The following FRMPD4 variants were observed in gnomAD, a reference collection of about 807,000 sequenced individuals.
FRMPD4 encodes the protein FERM and PDZ domain containing 4, also known as FERM and PDZ domain-containing protein 4.
FRMPD4 carries 22 observed loss-of-function variants against 94.1 expected under a neutral mutation model. The observed-to-expected ratio is 0.23, with a 90% confidence interval of 0.17 to 0.33. The LOEUF is 0.33. Among genes scored for constraint, FRMPD4 ranks in the 10% least tolerant of loss-of-function variants. FRMPD4 has a pLI of 1.00. For missense variants in FRMPD4, 1,111 were observed against 1,339.9 expected (o/e 0.83, Z 2.67); for synonymous variants, 631 against 548.6 (o/e 1.15, Z -2.10).
intron 1 of FRMPD4, among the ~76,000 whole-genome samples, chrX:12,282,054 T>A (rs2054534347): frequency 8.9e-6 from 1 of 112,503 alleles, no homozygotes; most frequent in Non-Finnish European, 1.9e-5. Context: ...AATTTAATCA[T>A]AAATTAAGAG....
chrX:12,480,384 CCT>C (rs1203757130), intron 1 of FRMPD4, among the ~76,000 whole-genome samples: 2 of 100,049 alleles, frequency 2.0e-5, no homozygotes, highest in Admixed American at 1.1e-4. Flanking sequence ...TGCATTTTTG[CCT>C]CTTTTCTCTC....
intron 1 of FRMPD4, among the ~76,000 whole-genome samples, chrX:12,341,236 A>G (rs530303122): frequency 8.9e-6 from 1 of 111,899 alleles, no homozygotes; most frequent in African/African-American, 3.2e-5. Flanking sequence ...AAGGCATGCA[A>G]TAATATTTCA....
At chrX:12,190,680 C>T (rs2056480112) in intron 1 of FRMPD4, among the ~76,000 whole-genome samples, 1 of 93,535 alleles carries the variant, frequency 1.1e-5, no homozygotes, top group Non-Finnish European at 2.1e-5. Context: ...GAACAACTAA[C>T]GGGACATCCA....
chrX:12,453,753 C>G (rs1009954999), intron 1 of FRMPD4, among the ~76,000 whole-genome samples: 1 of 35,589 alleles, frequency 2.8e-5, no homozygotes, highest in South Asian at 2.5e-3. Flanking sequence ...CTAGGGATAA[C>G]AGCATCTGAA....
rs1340071233 is a variant in FRMPD4 at position 12,718,809 on chromosome X, T to C, written c.3964+19T>C. On this transcript the variant is annotated intron_variant, in intron 16 of 16. Transcript: ENST00000675598. ...ACCACAGGTACAGCAATGATGGATTTAGCACTTTGTATGACATGCCAAGAG... is the reference window on the plus strand; with the variant it reads ...ACCACAGGTACAGCAATGATGGATTCAGCACTTTGTATGACATGCCAAGAG... 1 of 1,002,207 alleles carries C rather than the reference T, an allele frequency of 1.0e-6. No individual in the cohort carries two copies. Among genetic ancestry groups the C allele is most frequent in the South Asian group, 2.0e-5 (1 of 49,539 alleles). The allele number at this position is 1,002,207 out of a possible 1,213,427, so 82.6% of individuals were successfully genotyped here.
At chrX:11,900,394 G>A (rs897094773) in intron 3 of FRMPD4, among the ~76,000 whole-genome samples, 6 of 111,682 alleles carry the variant, frequency 5.4e-5, no homozygotes, top group African/African-American at 2.0e-4. Context: ...GGACTCTTGG[G>A]AGAATGTATG....
At chrX:11,979,060 T>TACCCACC (rs1341498933) in intron 3 of FRMPD4, among the ~76,000 whole-genome samples, 3 of 111,774 alleles carry the variant, frequency 2.7e-5, no homozygotes, top group South Asian at 3.9e-4. Flanking sequence ...AAAACCCATG[T>TACCCACC]ACCCACCACC....
In FRMPD4 at chrX:12,214,966, A is replaced by G. The variant is rs771096497; in HGVS notation, c.41+75954A>G. 5.1e-4 allele frequency among the ~76,000 whole-genome samples: 57 copies of G among 112,063 alleles called. No homozygotes were observed. The South Asian group carries it at 6.4e-3, about 13-fold the overall frequency. On this transcript the variant is annotated intron_variant, in intron 1 of 16. Coordinates refer to ENST00000675598, the MANE Select transcript of FRMPD4 (RefSeq NM_001368397.1). ...GTAATTATACATAAATTAATATTTT[A>G]TAGGTAAATATTTTCCCTTCTGATA...
chrX:11,829,617 G>A (rs56237205), intron 1 of FRMPD4, among the ~76,000 whole-genome samples: 26,126 of 110,308 alleles, frequency 0.24, 2,309 homozygotes, highest in Middle Eastern at 0.28. Flanking sequence ...AAGGATTAGT[G>A]TCCTGCTTCA....
intron 1 of FRMPD4, among the ~76,000 whole-genome samples, chrX:12,266,132 C>CAAAAAAA (rs3990340): frequency 4.7e-4 from 12 of 25,755 alleles, no homozygotes; most frequent in Non-Finnish European, 7.4e-4. Flanking sequence ...GACTCCGTCT[C>CAAAAAAA]AAAAAAAAAA....
chrX:12,136,514 T>C (rs185799932), upstream of FRMPD4, among the ~76,000 whole-genome samples: 2 of 111,050 alleles, frequency 1.8e-5, no homozygotes, highest in East Asian at 5.6e-4. Flanking sequence ...TATTGGTGCA[T>C]ACATTTGACA....
At chrX:12,489,259 G>A (rs760190552) in intron 1 of FRMPD4, among the ~76,000 whole-genome samples, 9 of 112,024 alleles carry the variant, frequency 8.0e-5, no homozygotes, top group Admixed American at 2.8e-4. Context: ...AAGTCAAGAA[G>A]ATTAAGTAAA....
chrX:11,959,918 A>T (rs752961558), intron 3 of FRMPD4, among the ~76,000 whole-genome samples: 14 of 111,584 alleles, frequency 1.3e-4, no homozygotes, highest in Non-Finnish European at 2.6e-4. Context: ...ATGGTGGGGA[A>T]AAACTACCTC....
At chrX:12,545,584 CTT>C (rs1355145215) in intron 2 of FRMPD4, among the ~76,000 whole-genome samples, 1 of 112,812 alleles carries the variant, frequency 8.9e-6, no homozygotes, top group Non-Finnish European at 1.9e-5. Context: ...GGGCATAACT[CTT>C]TTGGAAATTG....
At chrX:11,847,217 C>T (rs1392650893) in intron 1 of FRMPD4, among the ~76,000 whole-genome samples, 4 of 110,381 alleles carry the variant, frequency 3.6e-5, no homozygotes, top group Admixed American at 9.7e-5. Flanking sequence ...AAAAAGTGGG[C>T]GAAGGATATG....
intron 1 of FRMPD4, among the ~76,000 whole-genome samples, chrX:12,161,386 G>A (rs779911710): frequency 3.6e-5 from 4 of 111,606 alleles, no homozygotes; most frequent in Non-Finnish European, 7.5e-5. Context: ...CTCCAATGCC[G>A]GGCCTTAAGT....
At chrX:12,368,907 T>G (rs187333225) in intron 1 of FRMPD4, among the ~76,000 whole-genome samples, 9 of 111,311 alleles carry the variant, frequency 8.1e-5, no homozygotes, top group Non-Finnish European at 1.7e-4. Flanking sequence ...CAAAAACCCA[T>G]GATATGTAAT....
intron 3 of FRMPD4, among the ~76,000 whole-genome samples, chrX:11,879,924 C>G (rs1287998225): frequency 5.3e-5 from 6 of 112,272 alleles, no homozygotes; most frequent in Non-Finnish European, 1.1e-4. Flanking sequence ...TTGAGGTTTC[C>G]CAGACTGGGG....
intron 1 of FRMPD4, among the ~76,000 whole-genome samples, chrX:12,463,657 G>A (rs1196410123): frequency 1.0e-5 from 1 of 99,063 alleles, no homozygotes; most frequent in African/African-American, 3.7e-5. Flanking sequence ...ACATTGAGTG[G>A]GTGCCTGTGC....
Sources: allele counts gnomAD v4.1 joint callset (sites outside exome capture counted in the v4.1 genomes callset), GRCh38; gene constraint gnomAD v4.1.1; transcripts MANE v1.5; gene names NCBI Gene and HGNC (gene_info 2026-07-23, HGNC 2026-07-21).